Variants in AGBL2 observed in about 807,000 individuals in gnomAD.
AGBL2 encodes AGBL carboxypeptidase 2.
In AGBL2, 87 loss-of-function variants were observed where a neutral mutation model predicts 103.0. The ratio of observed to expected loss-of-function variants is 0.84; its 90% CI spans 0.71 to 1.01. AGBL2 has a LOEUF of 1.01. Among genes scored for constraint, AGBL2 ranks in the 50% least tolerant of loss-of-function variants. The probability of loss-of-function intolerance (pLI) is 0.00; values close to 1 mark genes in which losing one functional copy is unlikely to be tolerated. For missense variants in AGBL2, 904 were observed against 1,023.5 expected (o/e 0.88, Z 1.59); for synonymous variants, 335 against 356.7 (o/e 0.94, Z 0.69).
chr11:47,686,477 CA>C (rs1248684997), intron 10 of AGBL2, among the ~76,000 whole-genome samples: 4 of 99,854 alleles, frequency 4.0e-5, no homozygotes, highest in African/African-American at 1.6e-4. Context: ...TTTGTAGAGG[CA>C]GGGTGATAGA....
At chr11:47,671,142 A>G (rs2097356108) in intron 14 of AGBL2, among the ~76,000 whole-genome samples, 1 of 152,146 alleles carries the variant, frequency 6.6e-6, no homozygotes, top group Admixed American at 6.6e-5. Context: ...TAAGTGTCAC[A>G]TTATATTTTC....
In AGBL2 at chr11:47,706,026, C is replaced by A. The variant is rs1274738649; in HGVS notation, c.233-109G>T. On this transcript the variant is annotated intron_variant, in intron 4 of 18. Coordinates refer to ENST00000525123, the MANE Select transcript of AGBL2 (RefSeq NM_024783.4). ...TTCCTATGCTCACTCTGGACCCCTGCATTTCTATCTAAATCTTTCTCCCAT... is the reference window on the plus strand; with the variant it reads ...TTCCTATGCTCACTCTGGACCCCTGAATTTCTATCTAAATCTTTCTCCCAT... 1.4e-5 allele frequency: 12 copies of A among 833,036 alleles called. No individual in the cohort carries two copies. In the Admixed American group the frequency reaches 2.2e-4, roughly 15 times the overall value. The allele number at this position is 833,036 out of a possible 1,614,324, so 51.6% of individuals were successfully genotyped here.
chr11:47,675,148 A>G (rs1481037164), intron 14 of AGBL2, among the ~76,000 whole-genome samples: 2 of 149,474 alleles, frequency 1.3e-5, no homozygotes, highest in Non-Finnish European at 3.0e-5. Context: ...CTCAAACCTC[A>G]GACTTGGACC....
At chr11:47,687,138 A>T (rs1368314133) in intron 10 of AGBL2, among the ~76,000 whole-genome samples, 20 of 128,422 alleles carry the variant, frequency 1.6e-4, no homozygotes, top group South Asian at 5.9e-4. Context: ...TAATAATAAA[A>T]AAATAAATAA....
chr11:47,690,447 G>C lies in AGBL2; in HGVS notation c.1260C>G (p.Cys420Trp). 1 of 1,614,162 alleles carries C rather than the reference G, an allele frequency of 6.2e-7. No individual in the cohort carries two copies. The highest frequency in any genetic ancestry group is 8.5e-7 in the Non-Finnish European group (1 of 1,180,034). Residue 420 changes from cysteine to tryptophan, a missense_variant, in exon 10 of 19, where the codon TGC becomes TGG. Cys to Trp is a radical substitution (Grantham distance 215). Transcript: ENST00000525123. Reference protein sequence around the residue: ...VANNPIQSQFCKLQTLCRSLA... With the variant: ...VANNPIQSQFWKLQTLCRSLA... ...GGCTCCTGCATAAAGTTTGGAGCTT[G>C]CAGAACTGAGACTGGATAGGGTTGT... is the stretch of plus-strand genomic sequence containing the variant.
intron 14 of AGBL2, among the ~76,000 whole-genome samples, chr11:47,671,940 C>T (rs966369662): frequency 6.6e-6 from 1 of 152,140 alleles, no homozygotes; most frequent in Non-Finnish European, 1.5e-5. Context: ...GCAATCGTGA[C>T]AATGAATAGG....
rs780613193 is a variant in AGBL2, at chr11:47,667,530, C to A, written c.2340+41G>T. 3 of 1,606,174 alleles carry A rather than the reference C, an allele frequency of 1.9e-6. No homozygotes were observed. In the Admixed American group the frequency reaches 5.2e-5, roughly 28 times the overall value. ...TTTCCTTATCCCTCTATGGAATGGT[C>A]TGAAACTAGACAGTAGAAATAGCCA... On this transcript the variant is annotated intron_variant, in intron 16 of 18. Coordinates refer to ENST00000525123, the MANE Select transcript of AGBL2 (RefSeq NM_024783.4).
At chr11:47,697,540 C>CTT (rs56014951) in intron 8 of AGBL2, among the ~76,000 whole-genome samples, 10 of 50,396 alleles carry the variant, frequency 2.0e-4, no homozygotes, top group African/African-American at 4.9e-4. Context: ...GCCAAGCCTA[C>CTT]TTTTTTTTTT....
chr11:47,690,300 G>C lies in AGBL2; in HGVS notation c.1407C>G (p.Ser469=). ...ARVHPGESNG[S]WVMKGFLDFI... ...AGTCCAAAAAGCCTTTCATAACCCAGGAGCCATTACTTTCTCCAGGGTGAA... is the reference window on the plus strand; with the variant it reads ...AGTCCAAAAAGCCTTTCATAACCCACGAGCCATTACTTTCTCCAGGGTGAA... Residue 469 remains serine, a synonymous_variant, in exon 10 of 19, where the codon TCC becomes TCG. Transcript: ENST00000525123. 1.2e-6 allele frequency: 2 copies of C among 1,613,750 alleles called. No individual in the cohort carries two copies. Among genetic ancestry groups the C allele is most frequent in the Non-Finnish European group, 1.7e-6 (2 of 1,179,928 alleles).
chr11:47,678,241 C>T lies in AGBL2; in HGVS notation c.2017-840G>A, dbSNP rs373018524. Among the ~76,000 whole-genome samples, 56 of 151,148 alleles carry T rather than the reference C, an allele frequency of 3.7e-4. No homozygotes were observed. The South Asian group carries it at 0.011, about 30-fold the overall frequency. The stretch of plus-strand genomic sequence containing the variant: ...CCTCCCAAAGTGCTGGGATTACAGG[C>T]GTGAGCCATCATGCCTGGCTGCCAA... On this transcript the variant is annotated intron_variant, in intron 13 of 18. Transcript: ENST00000525123.
intron 14 of AGBL2, among the ~76,000 whole-genome samples, chr11:47,671,525 C>G: frequency 7.0e-6 from 1 of 142,564 alleles, no homozygotes; most frequent in Non-Finnish European, 1.5e-5. Context: ...GAGACTCCAT[C>G]TCAAAAACAA....
intron 8 of AGBL2, among the ~76,000 whole-genome samples, chr11:47,698,274 G>A (rs2097484582): frequency 6.8e-6 from 1 of 146,434 alleles, no homozygotes; most frequent in South Asian, 2.1e-4. Flanking sequence ...CCAGGTTCAA[G>A]AGACTCTCCT....
intron 17 of AGBL2, among the ~76,000 whole-genome samples, chr11:47,664,337 C>G (rs989709308): frequency 1.3e-5 from 2 of 151,886 alleles, no homozygotes; most frequent in African/African-American, 4.8e-5. Flanking sequence ...ACCTTAAACT[C>G]CTGGACTCAA....
Position 47,691,729 on chromosome 11 carries a change from A to AAAATATAT in AGBL2, c.848+373_848+374insATATATTT. 2.9e-3 allele frequency among the ~76,000 whole-genome samples: 14 copies of AAAATATAT among 4,858 alleles called. 1 individual carries two copies. The highest frequency in any genetic ancestry group is 6.5e-3 in the African/African-American group (9 of 1,392). The allele number at this position is 4,858 out of a possible 152,430, so 3.2% of individuals were successfully genotyped here. On this transcript the variant is annotated intron_variant, in intron 9 of 18. Transcript: ENST00000525123. Reference sequence around the variant, plus strand: ...TCTCAAGAAAAAAAAAAAAAAAAAAAATATATATATATATATATATATATA... The same window carrying AAAATATAT: ...TCTCAAGAAAAAAAAAAAAAAAAAAAAAATATATATATATATATATATATATATATATA...
intron 15 of AGBL2, 73 bp from the exon 16 acceptor site, chr11:47,667,769 T>C: frequency 6.6e-7 from 1 of 1,519,948 alleles, no homozygotes; most frequent in Non-Finnish European, 8.9e-7. Flanking sequence ...GCACTCTTCA[T>C]GCAACACTCA....
In AGBL2 at chr11:47,666,351, C is replaced by T. The variant is rs1485918129; in HGVS notation, c.2448+605G>A. On this transcript the variant is annotated intron_variant, in intron 17 of 18. Coordinates refer to ENST00000525123, the MANE Select transcript of AGBL2 (RefSeq NM_024783.4). ...GGAAGTTGCAGTGAGCTGAGATTGC[C>T]TCTGCACTCCAGCCTGGGTAACAGA... 4.0e-5 allele frequency among the ~76,000 whole-genome samples: 6 copies of T among 149,622 alleles called. No individual in the cohort carries two copies. In the East Asian group the frequency reaches 1.2e-3, roughly 29 times the overall value.
chr11:47,693,845 C>T (rs1322882616), intron 8 of AGBL2, among the ~76,000 whole-genome samples: 1 of 151,248 alleles, frequency 6.6e-6, no homozygotes. Flanking sequence ...GGTGTCTTCT[C>T]CGTTCCATTA....
chr11:47,676,813 C>CAAAA (rs566335901), intron 14 of AGBL2, among the ~76,000 whole-genome samples: 9 of 69,756 alleles, frequency 1.3e-4, no homozygotes, highest in East Asian at 3.9e-4. Context: ...GCCTCCATCT[C>CAAAA]AAAAAAAAAA....
chr11:47,688,852 C>T (rs1007976977), intron 10 of AGBL2, among the ~76,000 whole-genome samples: 7 of 152,124 alleles, frequency 4.6e-5, no homozygotes, highest in South Asian at 2.1e-4. Flanking sequence ...TCTCCTGACT[C>T]GGCCTCCTGA....
Sources: gnomAD v4.1 joint callset for allele counts (sites outside exome capture counted in the v4.1 genomes callset) on GRCh38, gnomAD v4.1.1 for gene constraint, MANE v1.5 for transcripts, NCBI Gene and HGNC (gene_info 2026-07-23, HGNC 2026-07-21) for gene names.